Variants in IL4R observed in about 807,000 individuals in gnomAD.
IL4R encodes the protein interleukin-4 receptor subunit alpha.
Under a neutral mutation model 41.5 loss-of-function variants are expected in IL4R, and 17 were observed. That is an observed-to-expected ratio of 0.41 (90% confidence interval 0.28 to 0.61). IL4R has a LOEUF of 0.61. IL4R is among the 20% of genes least tolerant of loss of function. The pLI is 0.31. For synonymous variants in IL4R, 402 were observed against 422.9 expected, an observed-to-expected ratio of 0.95 and a Z score of 0.61; for missense variants, 974 against 1,043.1, an observed-to-expected ratio of 0.93 and a Z score of 0.91.
chr16:27,351,914 C>G (rs2085893193), intron 6 of IL4R, among the ~76,000 whole-genome samples: 1 of 152,204 alleles, frequency 6.6e-6, no homozygotes, highest in Admixed American at 6.5e-5. Context: ...AACAATAGAT[C>G]TTGGAAGTCA....
chr16:27,321,736 G>A (rs1224648305), intron 1 of IL4R, among the ~76,000 whole-genome samples: 1 of 152,112 alleles, frequency 6.6e-6, no homozygotes, highest in East Asian at 1.9e-4. Context: ...GTACTGCTTT[G>A]GTTTCTTTCC....
At chr16:27,323,533 G>T (rs896489415) in intron 1 of IL4R, among the ~76,000 whole-genome samples, 1 of 152,176 alleles carries the variant, frequency 6.6e-6, no homozygotes, top group African/African-American at 2.4e-5. Context: ...TGCATCCTTA[G>T]GCAGGTTCCT....
intron 2 of IL4R, among the ~76,000 whole-genome samples, chr16:27,336,562 C>T (rs2085264583): frequency 6.6e-6 from 1 of 151,478 alleles, no homozygotes; most frequent in South Asian, 2.1e-4. Context: ...TCTGTGGTCC[C>T]AGCTACTCAG....
chr16:27,325,433 G>A (rs1419461680), intron 1 of IL4R, among the ~76,000 whole-genome samples: 4 of 152,044 alleles, frequency 2.6e-5, no homozygotes, highest in Non-Finnish European at 5.9e-5. Context: ...AATTAGCTGG[G>A]CGTTGTTGTG....
chr16:27,363,595 G>A lies in IL4R; in HGVS notation c.2243G>A (p.Cys748Tyr). The A allele has an allele frequency of 6.2e-7, 1 of 1,614,076 alleles. No homozygotes were observed. The highest frequency in any genetic ancestry group is 1.1e-5 in the South Asian group (1 of 91,082). ...GCCAGTCCTTGCTGTGGCTGCTGCT[G>A]TGGAGACAGGTCCTCGCCCCCTACA... ...VMASPCCGCC[C>Y]GDRSSPPTTP... is the part of the protein sequence containing the mutation. Residue 748 changes from cysteine (C) to tyrosine (Y), a missense_variant, in exon 11 of 11, where the codon TGT becomes TAT. Physicochemically the swap from Cys to Tyr is radical, Grantham distance 194 (BLOSUM62 -2). Coordinates refer to ENST00000395762, the MANE Select transcript of IL4R (RefSeq NM_000418.4).
intron 1 of IL4R, among the ~76,000 whole-genome samples, chr16:27,319,463 A>T (rs1224736364): frequency 6.6e-6 from 1 of 152,144 alleles, no homozygotes; most frequent in Non-Finnish European, 1.5e-5. Flanking sequence ...AATAAAATCT[A>T]TGCCTGAGTG....
chr16:27,319,554 A>G (rs2084750672), intron 1 of IL4R, among the ~76,000 whole-genome samples: 1 of 152,198 alleles, frequency 6.6e-6, no homozygotes, highest in Non-Finnish European at 1.5e-5. Flanking sequence ...GCCCAGAAAT[A>G]CTGTGAATGT....
intron 8 of IL4R, among the ~76,000 whole-genome samples, chr16:27,357,173 A>G (rs1488277476): frequency 6.6e-6 from 1 of 152,126 alleles, no homozygotes; most frequent in Non-Finnish European, 1.5e-5. Flanking sequence ...CCTTGGACTG[A>G]TCGCCTTGCT....
intron 9 of IL4R, 46 bp downstream of exon 9, chr16:27,359,040 G>T (rs372103470): frequency 6.9e-7 from 1 of 1,456,772 alleles, no homozygotes; most frequent in Non-Finnish European, 9.6e-7. Flanking sequence ...TGTACATGAA[G>T]AAGTGTGGTT....
chr16:27,358,275 C>G (rs149096499), intron 8 of IL4R, among the ~76,000 whole-genome samples: 1 of 152,242 alleles, frequency 6.6e-6, no homozygotes, highest in Admixed American at 6.5e-5. Context: ...ATCTTTGTCT[C>G]GTTCACTGTT....
chr16:27,331,640 C>G (rs2085114306), intron 2 of IL4R, among the ~76,000 whole-genome samples: 1 of 152,022 alleles, frequency 6.6e-6, no homozygotes, highest in Admixed American at 6.6e-5. Flanking sequence ...AGTATTCCTT[C>G]CAAAGGGATG....
intron 6 of IL4R, among the ~76,000 whole-genome samples, chr16:27,349,979 G>A (rs971205621): frequency 6.6e-6 from 1 of 152,176 alleles, no homozygotes; most frequent in Non-Finnish European, 1.5e-5. Context: ...TGGATCTCCT[G>A]GCTTCAAGTG....
intron 1 of IL4R, among the ~76,000 whole-genome samples, chr16:27,318,924 C>T (rs896754304): frequency 1.1e-4 from 17 of 152,132 alleles, no homozygotes; most frequent in African/African-American, 2.2e-4. Context: ...AGTGCCAGCC[C>T]GGGGCTAGGT....
chr16:27,344,926 C>G lies in IL4R; in HGVS notation c.267C>G (p.Leu89=). 1 of 1,614,166 alleles carries G rather than the reference C, an allele frequency of 6.2e-7. No homozygotes were observed. Among genetic ancestry groups the G allele is most frequent in the Non-Finnish European group, 8.5e-7 (1 of 1,180,036 alleles). ...NGGAGCVCHL[L]MDDVVSADNY... ...GCGCGGGGTGCGTGTGCCACCTGCT[C>G]ATGGATGACGTGGTCAGTGCGGATA... Residue 89 remains leucine, a synonymous_variant, in exon 5 of 11, where the codon CTC becomes CTG. Transcript: ENST00000395762.
chr16:27,334,751 T>C (rs984224214), intron 2 of IL4R, among the ~76,000 whole-genome samples: 12 of 152,062 alleles, frequency 7.9e-5, no homozygotes, highest in African/African-American at 2.9e-4. Flanking sequence ...ACTTGAGACT[T>C]TACTTTTGTA....
intron 2 of IL4R, among the ~76,000 whole-genome samples, chr16:27,337,091 G>C (rs766088381): frequency 6.6e-6 from 1 of 151,462 alleles, no homozygotes; most frequent in Non-Finnish European, 1.5e-5. Context: ...AAAATAAAAT[G>C]AAATAAAATA....
intron 1 of IL4R, among the ~76,000 whole-genome samples, chr16:27,327,817 A>G (rs1011546496): frequency 1.3e-5 from 2 of 152,134 alleles, no homozygotes; most frequent in African/African-American, 4.8e-5. Context: ...AACCAAATTG[A>G]TTAATATATT....
chr16:27,328,086 T>C (rs1365946369), intron 1 of IL4R, among the ~76,000 whole-genome samples: 1 of 151,362 alleles, frequency 6.6e-6, no homozygotes, highest in East Asian at 2.0e-4. Context: ...GGCGTGCTCC[T>C]GTAGTCCCAG....
chr16:27,361,915 C>T (rs1234178017), intron 10 of IL4R, among the ~76,000 whole-genome samples: 5 of 152,108 alleles, frequency 3.3e-5, no homozygotes, highest in Non-Finnish European at 5.9e-5. Flanking sequence ...CCACCGCACC[C>T]GGCTTCCATA....
Sources: gnomAD v4.1 joint callset for allele counts (sites outside exome capture counted in the v4.1 genomes callset) on GRCh38, gnomAD v4.1.1 for gene constraint, MANE v1.5 for transcripts, NCBI Gene and HGNC (gene_info 2026-07-23, HGNC 2026-07-21) for gene names.